The following PCDH9 variants were observed in gnomAD, a reference collection of about 807,000 sequenced individuals.
The protein encoded by PCDH9 is protocadherin-9.
A neutral mutation model predicts 70.6 loss-of-function variants in PCDH9; 24 were observed. The ratio of observed to expected loss-of-function variants is 0.34; its 90% CI spans 0.25 to 0.48. The LOEUF is 0.48. Among genes scored for constraint, PCDH9 ranks in the 20% least tolerant of loss-of-function variants. The pLI, the probability that PCDH9 is intolerant of heterozygous loss-of-function variation, is 0.99. For missense variants in PCDH9, 1,281 were observed against 1,503.6 expected, an observed-to-expected ratio of 0.85 and a Z score of 2.45; for synonymous variants, 562 against 558.5, an observed-to-expected ratio of 1.01 and a Z score of -0.09.
At chr13:66,959,061 T>C (rs2083305625) in intron 2 of PCDH9, among the ~76,000 whole-genome samples, 1 of 152,244 alleles carries the variant, frequency 6.6e-6, no homozygotes, top group Non-Finnish European at 1.5e-5. Context: ...AGTACATACA[T>C]TAATGTAAGA....
intron 3 of PCDH9, among the ~76,000 whole-genome samples, chr13:66,900,231 T>TGCATTTGA (rs921914494): frequency 2.0e-5 from 3 of 151,924 alleles, no homozygotes; most frequent in African/African-American, 7.2e-5. Context: ...CCTGTCTGTG[T>TGCATTTGA]GCATTTGAGC....
At chr13:66,763,563 A>G (rs866782892) in intron 3 of PCDH9, among the ~76,000 whole-genome samples, 125 of 152,166 alleles carry the variant, frequency 8.2e-4, no homozygotes, top group African/African-American at 2.8e-3. Flanking sequence ...CAAAGAGTGA[A>G]AGAAGAAATT....
At chr13:66,795,957 G>T (rs2080233974) in intron 3 of PCDH9, among the ~76,000 whole-genome samples, 2 of 152,100 alleles carry the variant, frequency 1.3e-5, no homozygotes. Context: ...AGTAACTGCT[G>T]CCCAGTAATG....
At chr13:66,558,180 A>G (rs1303363979) in intron 4 of PCDH9, among the ~76,000 whole-genome samples, 1 of 152,148 alleles carries the variant, frequency 6.6e-6, no homozygotes, top group Non-Finnish European at 1.5e-5. Flanking sequence ...AACAAAAGCC[A>G]GCTCTGCCAC....
At chr13:66,508,880 G>T (rs535897144) in intron 4 of PCDH9, among the ~76,000 whole-genome samples, 1 of 152,224 alleles carries the variant, frequency 6.6e-6, no homozygotes, top group South Asian at 2.1e-4. Flanking sequence ...ATTGTCATTA[G>T]GAATGAGACA....
chr13:66,312,950 G>A (rs1955589310), intron 4 of PCDH9, among the ~76,000 whole-genome samples: 1 of 152,160 alleles, frequency 6.6e-6, no homozygotes, highest in African/African-American at 2.4e-5. Context: ...CGCCAAGCAG[G>A]GAATTCACTG....
At chr13:66,810,317 G>A (rs1409221688) in intron 3 of PCDH9, among the ~76,000 whole-genome samples, 4 of 151,666 alleles carry the variant, frequency 2.6e-5, no homozygotes, top group Non-Finnish European at 5.9e-5. Context: ...TTAATAATTG[G>A]CTAATCAAAA....
intron 3 of PCDH9, among the ~76,000 whole-genome samples, chr13:66,632,241 A>G (rs1464075691): frequency 3.9e-5 from 6 of 152,228 alleles, no homozygotes; most frequent in Non-Finnish European, 1.5e-5. Context: ...GTGTCCCTAA[A>G]GCAATACTGG....
At chr13:66,992,990 G>T (rs1398116075) in intron 2 of PCDH9, among the ~76,000 whole-genome samples, 1 of 151,406 alleles carries the variant, frequency 6.6e-6, no homozygotes, top group African/African-American at 2.4e-5. Flanking sequence ...TACCATATGT[G>T]AAGGAAATGT....
chr13:66,664,578 T>G (rs1307624132), intron 3 of PCDH9, among the ~76,000 whole-genome samples: 1 of 152,180 alleles, frequency 6.6e-6, no homozygotes, highest in Non-Finnish European at 1.5e-5. Flanking sequence ...GTATGACTCC[T>G]AGAAACTTAT....
intron 2 of PCDH9, among the ~76,000 whole-genome samples, chr13:67,136,734 A>C: frequency 6.8e-6 from 1 of 147,888 alleles, no homozygotes; most frequent in East Asian, 1.9e-4. Context: ...ATAATTTTAT[A>C]TTTTCCAAAT....
At chr13:66,908,342 G>T (rs993169690) in intron 2 of PCDH9, among the ~76,000 whole-genome samples, 2 of 152,134 alleles carry the variant, frequency 1.3e-5, no homozygotes, top group African/African-American at 4.8e-5. Flanking sequence ...TCTCTCTCTG[G>T]AATCATTTAA....
intron 4 of PCDH9, among the ~76,000 whole-genome samples, chr13:66,476,653 C>T (rs2138497664): frequency 6.6e-6 from 1 of 152,082 alleles, no homozygotes; most frequent in East Asian, 1.9e-4. Flanking sequence ...ATAATTCTGA[C>T]ATGTCCATGC....
intron 4 of PCDH9, among the ~76,000 whole-genome samples, chr13:66,561,215 C>G (rs1458656875): frequency 1.3e-5 from 2 of 152,228 alleles, no homozygotes; most frequent in Non-Finnish European, 2.9e-5. Flanking sequence ...GGGCCAGCAG[C>G]TGCTGTGCTC....
intron 3 of PCDH9, among the ~76,000 whole-genome samples, chr13:66,866,493 C>CA (rs1050326381): frequency 1.9e-4 from 27 of 141,152 alleles, no homozygotes; most frequent in Non-Finnish European, 3.3e-4. Context: ...AAAACAAAAA[C>CA]AAAAAAACAA....
intron 2 of PCDH9, among the ~76,000 whole-genome samples, chr13:67,067,333 AATAAT>A (rs1485567128): frequency 2.6e-5 from 4 of 152,300 alleles, no homozygotes; most frequent in African/African-American, 7.2e-5. Context: ...AATAAATTCT[AATAAT>A]ATATTTTACC....
chr13:67,035,687 C>T (rs1470232777), intron 2 of PCDH9, among the ~76,000 whole-genome samples: 1 of 151,344 alleles, frequency 6.6e-6, no homozygotes, highest in African/African-American at 2.4e-5. Context: ...CATAAACGAA[C>T]TTTTCTTGAG....
rs992051568 is a variant in PCDH9, at chr13:66,547,955, A to T, written c.3340+83255T>A. Among the ~76,000 whole-genome samples the T allele has an allele frequency of 8.1e-5, 12 of 148,202 alleles. No individual in the cohort carries two copies. In the East Asian group the frequency reaches 2.1e-3, roughly 27 times the overall value. ...AATAATATATATATTTAATTATAAA[A>T]TAGTAAACTTAAAACAGTGAGATGT... On this transcript the variant is annotated intron_variant, in intron 4 of 4. Transcript: ENST00000377865.
At position 66,396,630 on chromosome 13, in the gene PCDH9, G is replaced by A. The variant is rs546962151; in HGVS notation, c.3341-91602C>T. 1.6e-3 allele frequency among the ~76,000 whole-genome samples: 247 copies of A among 152,282 alleles called. 1 individual carries two copies. Among genetic ancestry groups the A allele is most frequent in the African/African-American group, 5.4e-3 (224 of 41,570 alleles). On this transcript the variant is annotated intron_variant, in intron 4 of 4. Transcript: ENST00000377865. Reference sequence around the variant, plus strand: ...ACAACTAAATATCTGTGATTCTAGCGTCAGCTCTGTTGCAGTGGGACATGG... The same window carrying A: ...ACAACTAAATATCTGTGATTCTAGCATCAGCTCTGTTGCAGTGGGACATGG...
Sources: allele counts gnomAD v4.1 joint callset (sites outside exome capture counted in the v4.1 genomes callset), GRCh38; gene constraint gnomAD v4.1.1; transcripts MANE v1.5; gene names NCBI Gene and HGNC (gene_info 2026-07-23, HGNC 2026-07-21).